Variants in SPECC1 observed in about 807,000 individuals in gnomAD.
SPECC1 encodes the protein cytospin-B.
A neutral mutation model predicts 104.1 loss-of-function variants in SPECC1; 62 were observed. The ratio of observed to expected loss-of-function variants is 0.60; its 90% CI spans 0.49 to 0.74. SPECC1 has a LOEUF of 0.74. Ranked by LOEUF, SPECC1 falls within the 30% of genes least tolerant of loss-of-function variation. The pLI, the probability that SPECC1 is intolerant of heterozygous loss-of-function variation, is 0.00. For synonymous variants in SPECC1, 513 were observed against 501.6 expected, an observed-to-expected ratio of 1.02 and a Z score of -0.30; for missense variants, 1,306 against 1,310.5, an observed-to-expected ratio of 1.00 and a Z score of 0.05.
chr17:20,050,726 GAGGACAGT>G (rs1387286227), intron 1 of SPECC1, among the ~76,000 whole-genome samples: 1 of 152,188 alleles, frequency 6.6e-6, no homozygotes, highest in Admixed American at 6.5e-5. Flanking sequence ...AAAATTGTCA[GAGGACAGT>G]AGGATGGTTT....
chr17:20,064,103 G>A (rs1240296192), intron 1 of SPECC1, among the ~76,000 whole-genome samples: 2 of 152,202 alleles, frequency 1.3e-5, no homozygotes, highest in Admixed American at 6.5e-5. Flanking sequence ...AGTCAGTGAG[G>A]CAAGTGAGAC....
At chr17:20,225,190 C>T (rs1469814810) in intron 4 of SPECC1, among the ~76,000 whole-genome samples, 1 of 152,186 alleles carries the variant, frequency 6.6e-6, no homozygotes, top group Non-Finnish European at 1.5e-5. Flanking sequence ...CTTTACTCTT[C>T]CCTCTCCGCC....
At chr17:20,120,675 G>A (rs921055671) in intron 3 of SPECC1, among the ~76,000 whole-genome samples, 18 of 152,258 alleles carry the variant, frequency 1.2e-4, no homozygotes, top group Middle Eastern at 3.4e-3. Flanking sequence ...ACGATGCATA[G>A]CATGGTATTA....
intron 12 of SPECC1, among the ~76,000 whole-genome samples, chr17:20,265,122 TA>T (rs1232749575): frequency 6.6e-6 from 1 of 152,220 alleles, no homozygotes; most frequent in African/African-American, 2.4e-5. Flanking sequence ...TTTCTTTGGG[TA>T]TATACCTAGT....
intron 1 of SPECC1, among the ~76,000 whole-genome samples, chr17:20,022,986 C>T (rs1399228158): frequency 1.3e-5 from 2 of 152,176 alleles, no homozygotes; most frequent in Non-Finnish European, 2.9e-5. Context: ...TCTTTTCAAC[C>T]TTTTCTGGAT....
intron 12 of SPECC1, among the ~76,000 whole-genome samples, chr17:20,283,115 T>G (rs995004511): frequency 3.9e-5 from 6 of 152,156 alleles, no homozygotes; most frequent in African/African-American, 1.4e-4. Context: ...GCACAGGAGA[T>G]TGAGGCTACA....
At position 20,274,500 on chromosome 17, in the gene SPECC1, C is replaced by A. The variant is rs12602511; in HGVS notation, c.2940+14206C>A. Among the ~76,000 whole-genome samples, 120 of 143,660 alleles carry A rather than the reference C, an allele frequency of 8.4e-4. No individual in the cohort carries two copies. In the East Asian group the frequency reaches 0.013, roughly 16 times the overall value. 94.2% of individuals were successfully genotyped at this position (143,660 alleles called of 152,430 possible). On this transcript the variant is annotated intron_variant, in intron 12 of 14. Transcript: ENST00000395527. ...AACAATAGTTTTGTTTCCTTTTTTT[C>A]TTTTTTCTTTTTTTTTTTTTTTTTT...
intron 1 of SPECC1, among the ~76,000 whole-genome samples, chr17:20,081,454 C>A (rs774378620): frequency 6.6e-6 from 1 of 151,838 alleles, no homozygotes; most frequent in Non-Finnish European, 1.5e-5. Context: ...GCCTGGGGAG[C>A]GGGGATGTGG....
intron 1 of SPECC1, among the ~76,000 whole-genome samples, chr17:20,029,751 T>G (rs1597586551): frequency 6.6e-6 from 1 of 152,194 alleles, no homozygotes; most frequent in Non-Finnish European, 1.5e-5. Context: ...ATTAGTAATG[T>G]CCCCTCTTTT....
intron 2 of SPECC1, among the ~76,000 whole-genome samples, chr17:20,099,409 G>A (rs913686996): frequency 2.7e-5 from 4 of 150,908 alleles, no homozygotes; most frequent in Admixed American, 2.6e-4. Context: ...CCTCGGCCGG[G>A]CAGGGTGGCT....
At chr17:20,049,591 A>G (rs2045663734) in intron 1 of SPECC1, among the ~76,000 whole-genome samples, 1 of 152,038 alleles carries the variant, frequency 6.6e-6, no homozygotes, top group Non-Finnish European at 1.5e-5. Flanking sequence ...CTGTCTGGAT[A>G]TGAGTCAAGT....
chr17:20,071,384 TTGTGTGTGTGTG>T (rs55761614), intron 1 of SPECC1, among the ~76,000 whole-genome samples: 1 of 151,240 alleles, frequency 6.6e-6, no homozygotes, highest in African/African-American at 2.4e-5. Context: ...TTGTGTGTGT[TTGTGTGTGTGTG>T]TGTGTGTAAT....
chr17:20,112,922 T>TC (rs540423401), intron 3 of SPECC1: 29 of 1,512,148 alleles, frequency 1.9e-5, no homozygotes, highest in Non-Finnish European at 2.7e-5. Context: ...CCTGAGAGGG[T>TC]CCAACATGAA....
chr17:20,293,086 A>G (rs1185801526), intron 12 of SPECC1, among the ~76,000 whole-genome samples: 1 of 152,182 alleles, frequency 6.6e-6, no homozygotes, highest in African/African-American at 2.4e-5. Flanking sequence ...GACATGTGAC[A>G]CCATCTCTTT....
At chr17:20,286,696 C>T (rs1469897495) in intron 12 of SPECC1, among the ~76,000 whole-genome samples, 1 of 152,192 alleles carries the variant, frequency 6.6e-6, no homozygotes, top group Non-Finnish European at 1.5e-5. Flanking sequence ...CCTGCCCACA[C>T]GAGTACCTTG....
chr17:20,236,915 C>T, intron 7 of SPECC1: 1 of 1,613,564 alleles, frequency 6.2e-7, no homozygotes, highest in East Asian at 2.2e-5. Flanking sequence ...CAGCCCAGCT[C>T]TTGCCATGAT....
chr17:20,219,136 G>A (rs185141389), intron 4 of SPECC1, among the ~76,000 whole-genome samples: 8 of 152,266 alleles, frequency 5.3e-5, no homozygotes, highest in African/African-American at 1.7e-4. Context: ...CTCTTTGATA[G>A]ACTAATTTCC....
chr17:20,230,560 G>A (rs1257727282), intron 5 of SPECC1, among the ~76,000 whole-genome samples: 1 of 152,044 alleles, frequency 6.6e-6, no homozygotes, highest in East Asian at 1.9e-4. Flanking sequence ...GGGTTGTATT[G>A]TCCCTAAATC....
rs778082396 is a variant in SPECC1, at chr17:20,110,379, C to T, written c.148-48C>T. 8.3e-6 allele frequency: 13 copies of T among 1,563,180 alleles called. No homozygotes were observed. The Admixed American group carries it at 1.6e-4, about 20-fold the overall frequency. On this transcript the variant is annotated intron_variant, in intron 2 of 14. Coordinates refer to ENST00000395527, the MANE Select transcript of SPECC1 (RefSeq NM_001243439.2). Reference sequence around the variant, plus strand: ...GCTCTGCTTGTTTATAGCGCTCCTTCCTGAAAACCACCTCTTCATCCTCTC... The same window carrying T: ...GCTCTGCTTGTTTATAGCGCTCCTTTCTGAAAACCACCTCTTCATCCTCTC...
Sources: allele counts gnomAD v4.1 joint callset (sites outside exome capture counted in the v4.1 genomes callset), GRCh38; gene constraint gnomAD v4.1.1; transcripts MANE v1.5; gene names NCBI Gene and HGNC (gene_info 2026-07-23, HGNC 2026-07-21).